The following PPIP5K2 variants were observed in gnomAD, a reference collection of about 807,000 sequenced individuals.
PPIP5K2 encodes the protein inositol hexakisphosphate and diphosphoinositol-pentakisphosphate kinase 2.
Under a neutral mutation model 154.6 loss-of-function variants are expected in PPIP5K2, and 105 were observed. The observed-to-expected ratio is 0.68, with a 90% CI of 0.58 to 0.80. The LOEUF is 0.80. PPIP5K2 is among the 30% of genes least tolerant of loss of function. The pLI is 0.00. For missense variants in PPIP5K2, 992 were observed against 1,504.6 expected (o/e 0.66, Z 5.64); for synonymous variants, 480 against 490.3 (o/e 0.98, Z 0.28).
intron 30 of PPIP5K2, 24 bp downstream of exon 30, chr5:103,195,049 T>C (rs782425313): frequency 9.4e-6 from 15 of 1,593,770 alleles, no homozygotes; most frequent in Non-Finnish European, 1.3e-5. Flanking sequence ...GTGTTGAGTT[T>C]GTGGATTTGC....
At chr5:103,189,602 G>T (rs546346389) in intron 28 of PPIP5K2, among the ~76,000 whole-genome samples, 1 of 152,100 alleles carries the variant, frequency 6.6e-6, no homozygotes, top group East Asian at 1.9e-4. Flanking sequence ...GTATAGTTTT[G>T]TTTTTGTTTT....
chr5:103,163,724 T>A (rs1288710437), intron 17 of PPIP5K2, among the ~76,000 whole-genome samples: 1 of 151,990 alleles, frequency 6.6e-6, no homozygotes, highest in African/African-American at 2.4e-5. Context: ...AAAAACGTAC[T>A]GAATTTTATC....
chr5:103,146,006 C>T (rs138057809), intron 5 of PPIP5K2, among the ~76,000 whole-genome samples: 4 of 152,106 alleles, frequency 2.6e-5, no homozygotes, highest in African/African-American at 9.6e-5. Flanking sequence ...ATATATACAA[C>T]TACTATGTAC....
chr5:103,129,801 T>C (rs1790319888), intron 2 of PPIP5K2, 98 bp downstream of exon 2: 1 of 1,366,288 alleles, frequency 7.3e-7, no homozygotes, highest in Non-Finnish European at 9.5e-7. Flanking sequence ...ATTTTTGAAC[T>C]GAAAAAGTAT....
intron 4 of PPIP5K2, among the ~76,000 whole-genome samples, chr5:103,138,121 A>G (rs141162132): frequency 2.6e-5 from 4 of 152,230 alleles, no homozygotes; most frequent in Admixed American, 2.0e-4. Context: ...AAATACATTT[A>G]TGTTCTCAGT....
At chr5:103,131,537 A>G (rs1184312114) in intron 2 of PPIP5K2, among the ~76,000 whole-genome samples, 1 of 152,076 alleles carries the variant, frequency 6.6e-6, no homozygotes, top group African/African-American at 2.4e-5. Context: ...ATCACAATTT[A>G]TTTTATTATT....
intron 1 of PPIP5K2, among the ~76,000 whole-genome samples, chr5:103,126,369 C>G (rs547130061): frequency 6.6e-6 from 1 of 152,036 alleles, no homozygotes; most frequent in Admixed American, 6.5e-5. Context: ...TAATTCATAC[C>G]CTTGGGAAAA....
At position 103,168,271 on chromosome 5, in the gene PPIP5K2, A is replaced by G. The variant is rs782642466; in HGVS notation, c.2262A>G (p.Ala754=). The G allele has an allele frequency of 1.2e-6, 2 of 1,603,732 alleles. No individual in the cohort carries two copies. Among genetic ancestry groups the G allele is most frequent in the Admixed American group, 1.7e-5 (1 of 59,470 alleles). The change falls in exon 19 of 31, where the codon GCA becomes GCG. Residue 754 remains alanine (A), a synonymous_variant. Coordinates refer to ENST00000358359, the MANE Select transcript of PPIP5K2 (RefSeq NM_001276277.3). ...NTMELYRLSK[A]LADIVIPQEY... is the part of the protein sequence containing the mutation. Reference sequence around the variant, plus strand: ...TGGAATTATATAGGCTTTCGAAGGCATTAGCAGATATTGTTATCCCTCAGG... The same window carrying G: ...TGGAATTATATAGGCTTTCGAAGGCGTTAGCAGATATTGTTATCCCTCAGG...
At chr5:103,194,579 C>T (rs1801767337) in intron 29 of PPIP5K2, among the ~76,000 whole-genome samples, 2 of 152,082 alleles carry the variant, frequency 1.3e-5, no homozygotes, top group Non-Finnish European at 2.9e-5. Context: ...GAAAACTATG[C>T]CATTAGCTCT....
intron 21 of PPIP5K2, among the ~76,000 whole-genome samples, chr5:103,175,832 C>T (rs1798617027): frequency 6.6e-6 from 1 of 151,908 alleles, no homozygotes; most frequent in Admixed American, 6.6e-5. Flanking sequence ...ATTTCTAAAA[C>T]AAAAACTGAA....
At chr5:103,128,928 G>C (rs1554201572) in intron 1 of PPIP5K2, among the ~76,000 whole-genome samples, 1 of 152,022 alleles carries the variant, frequency 6.6e-6, no homozygotes, top group Non-Finnish European at 1.5e-5. Context: ...CATTCCATTT[G>C]TCTGTTCTTT....
At chr5:103,124,441 C>A (rs1789302996) in intron 1 of PPIP5K2, among the ~76,000 whole-genome samples, 1 of 152,060 alleles carries the variant, frequency 6.6e-6, no homozygotes, top group South Asian at 2.1e-4. Context: ...AGTATAATGG[C>A]CTTTGGTTTA....
intron 30 of PPIP5K2, among the ~76,000 whole-genome samples, chr5:103,199,202 A>G (rs1554229493): frequency 6.6e-6 from 1 of 152,142 alleles, no homozygotes; most frequent in Non-Finnish European, 1.5e-5. Flanking sequence ...GAGGAGAAAA[A>G]GATTCTATAT....
At chr5:103,161,201 C>T (rs1384393229) in intron 17 of PPIP5K2, among the ~76,000 whole-genome samples, 1 of 142,078 alleles carries the variant, frequency 7.0e-6, no homozygotes, top group Non-Finnish European at 1.5e-5. Flanking sequence ...TGAGTGAGAA[C>T]ATGCGGTGTT....
At chr5:103,189,021 A>G in intron 28 of PPIP5K2, 1 of 550,154 alleles carries the variant, frequency 1.8e-6, no homozygotes, top group Admixed American at 3.6e-5. Context: ...TCTTCCTTTT[A>G]CTTTTTATTT....
intron 17 of PPIP5K2, among the ~76,000 whole-genome samples, chr5:103,162,246 G>A (rs1350035111): frequency 6.6e-6 from 1 of 151,690 alleles, no homozygotes; most frequent in Non-Finnish European, 1.5e-5. Context: ...TTCTTGGATG[G>A]TAGAAGTTCT....
chr5:103,142,142 T>C (rs1554207061), intron 5 of PPIP5K2, among the ~76,000 whole-genome samples: 1 of 152,182 alleles, frequency 6.6e-6, no homozygotes, highest in Admixed American at 6.5e-5. Context: ...GGTGGGAGGC[T>C]CAGGCATAGC....
chr5:103,178,030 C>A, intron 23 of PPIP5K2, 50 bp downstream of exon 23: 1 of 1,150,748 alleles, frequency 8.7e-7, no homozygotes, highest in Non-Finnish European at 1.3e-6. Context: ...TCTAGATTTT[C>A]ATGAGGTTTC....
At chr5:103,159,373 C>A (rs782359866) in intron 17 of PPIP5K2, 45 bp downstream of exon 17, 17 of 1,452,366 alleles carry the variant, frequency 1.2e-5, no homozygotes, top group Non-Finnish European at 1.5e-5. Context: ...TACACACACA[C>A]AGAAAAGTGA....
Sources: allele counts gnomAD v4.1 joint callset (sites outside exome capture counted in the v4.1 genomes callset), GRCh38; gene constraint gnomAD v4.1.1; transcripts MANE v1.5; gene names NCBI Gene and HGNC (gene_info 2026-07-23, HGNC 2026-07-21).